The following SPHKAP variants were observed in gnomAD, a reference collection of about 807,000 sequenced individuals.
The protein encoded by SPHKAP is SPHK1 interactor, AKAP domain containing, also known as A-kinase anchor protein SPHKAP.
In SPHKAP, 67 loss-of-function variants were observed where a neutral mutation model predicts 137.5. That is an observed-to-expected ratio of 0.49 (90% confidence interval 0.40 to 0.60). The LOEUF (loss-of-function observed/expected upper bound fraction) is 0.60. SPHKAP is among the 20% of genes least tolerant of loss of function. SPHKAP has a pLI of 0.00. For synonymous variants in SPHKAP, 813 were observed against 785.3 expected, an observed-to-expected ratio of 1.04 and a Z score of -0.59; for missense variants, 2,097 against 2,069.3, an observed-to-expected ratio of 1.01 and a Z score of -0.26.
At chr2:228,056,597 A>T (rs957003634) in intron 3 of SPHKAP, among the ~76,000 whole-genome samples, 1 of 152,042 alleles carries the variant, frequency 6.6e-6, no homozygotes, top group African/African-American at 2.4e-5. Flanking sequence ...AAAAAAAAAA[A>T]ATGTATCTTT....
chr2:228,133,746 A>T lies in SPHKAP; in HGVS notation c.33-1661T>A, dbSNP rs1699340225. On this transcript the variant is annotated intron_variant, in intron 1 of 11. Coordinates refer to ENST00000392056, the MANE Select transcript of SPHKAP (RefSeq NM_001142644.2). ...TATAACTCTCATGTTTCAAGCACTAAATTCATCAATTTTCAATTAGCCATA... is the reference window on the plus strand; with the variant it reads ...TATAACTCTCATGTTTCAAGCACTATATTCATCAATTTTCAATTAGCCATA... 2.0e-5 allele frequency among the ~76,000 whole-genome samples: 3 copies of T among 152,200 alleles called. No individual in the cohort carries two copies. The South Asian group carries it at 6.2e-4, about 32-fold the overall frequency.
chr2:228,080,669 T>C (rs1290633148), intron 3 of SPHKAP, among the ~76,000 whole-genome samples: 1 of 151,678 alleles, frequency 6.6e-6, no homozygotes, highest in Non-Finnish European at 1.5e-5. Context: ...ATGACTCCAT[T>C]GCACTCCAGC....
chr2:228,088,162 T>TA (rs901231642), intron 3 of SPHKAP, among the ~76,000 whole-genome samples: 4 of 152,084 alleles, frequency 2.6e-5, no homozygotes, highest in Non-Finnish European at 4.4e-5. Flanking sequence ...ATTGTAAATA[T>TA]AAAAAATTCT....
At chr2:228,174,175 T>G (rs961240873) in intron 1 of SPHKAP, among the ~76,000 whole-genome samples, 1 of 152,226 alleles carries the variant, frequency 6.6e-6, no homozygotes, top group Non-Finnish European at 1.5e-5. Flanking sequence ...AAGCCTCTTA[T>G]AGCATCCACC....
At chr2:228,064,762 T>C (rs1318143375) in intron 3 of SPHKAP, among the ~76,000 whole-genome samples, 1 of 152,186 alleles carries the variant, frequency 6.6e-6, no homozygotes, top group East Asian at 1.9e-4. Flanking sequence ...AGAACACAAG[T>C]AGCCACAGAA....
chr2:228,024,248 C>A (rs991679661), intron 5 of SPHKAP, among the ~76,000 whole-genome samples: 1 of 151,936 alleles, frequency 6.6e-6, no homozygotes, highest in African/African-American at 2.4e-5. Flanking sequence ...ATGTCAATAC[C>A]AATTTTCATA....
chr2:228,017,188 G>A lies in SPHKAP; in HGVS notation c.3666C>T (p.Gly1222=). The change falls in exon 7 of 12, where the codon GGC becomes GGT. Residue 1222 remains glycine (G), a synonymous_variant. Coordinates refer to ENST00000392056, the MANE Select transcript of SPHKAP (RefSeq NM_001142644.2). The part of the protein sequence containing the change: ...SRRSSQDWTA[G]LLSPSLRSPV... ...GGGATCGCAGAGAAGGAGACAGCAG[G>A]CCGGCTGTCCAATCCTGGCTGCTCC... is the stretch of plus-strand genomic sequence containing the variant. The A allele has an allele frequency of 6.2e-7, 1 of 1,613,978 alleles. No homozygotes were observed. The highest frequency in any genetic ancestry group is 8.5e-7 in the Non-Finnish European group (1 of 1,179,994).
intron 3 of SPHKAP, among the ~76,000 whole-genome samples, chr2:228,036,309 A>C (rs1403640038): frequency 1.3e-5 from 2 of 152,240 alleles, no homozygotes; most frequent in African/African-American, 4.8e-5. Flanking sequence ...CCATCAGAGA[A>C]ATGCAAAGCA....
chr2:228,086,063 T>G (rs1308664382), intron 3 of SPHKAP, among the ~76,000 whole-genome samples: 4 of 151,900 alleles, frequency 2.6e-5, no homozygotes, highest in Non-Finnish European at 5.9e-5. Context: ...GCATGTAATA[T>G]GAAGTGAAAA....
intron 3 of SPHKAP, among the ~76,000 whole-genome samples, chr2:228,034,273 A>C (rs1454116688): frequency 6.6e-6 from 1 of 152,228 alleles, no homozygotes; most frequent in African/African-American, 2.4e-5. Flanking sequence ...TAAACTAGAA[A>C]ATCTAGAAGA....
intron 1 of SPHKAP, among the ~76,000 whole-genome samples, chr2:228,156,817 C>T (rs939609294): frequency 7.2e-5 from 11 of 152,260 alleles, no homozygotes; most frequent in African/African-American, 2.4e-4. Context: ...CACATGCCCT[C>T]TTTGCTTGTC....
chr2:228,039,788 A>G (rs972848590), intron 3 of SPHKAP, among the ~76,000 whole-genome samples: 2 of 152,240 alleles, frequency 1.3e-5, no homozygotes, highest in Non-Finnish European at 2.9e-5. Context: ...GACTTTTTGA[A>G]TTAAACACAT....
chr2:228,140,771 C>T (rs568438353), intron 1 of SPHKAP, among the ~76,000 whole-genome samples: 11 of 152,064 alleles, frequency 7.2e-5, no homozygotes, highest in Non-Finnish European at 7.3e-5. Flanking sequence ...ACTGACTTTT[C>T]GTGAGATCTG....
intron 1 of SPHKAP, among the ~76,000 whole-genome samples, chr2:228,174,412 T>C (rs1700678767): frequency 6.6e-6 from 1 of 150,802 alleles, no homozygotes; most frequent in South Asian, 2.1e-4. Context: ...GACTCCGGAG[T>C]GGAAATGTAC....
intron 1 of SPHKAP, among the ~76,000 whole-genome samples, chr2:228,137,242 C>T (rs1240105653): frequency 6.6e-6 from 1 of 152,196 alleles, no homozygotes; most frequent in East Asian, 1.9e-4. Flanking sequence ...GGCAGGGGAT[C>T]ACTTAGGACA....
chr2:227,992,846 C>A (rs568151452), intron 9 of SPHKAP, among the ~76,000 whole-genome samples: 1 of 152,308 alleles, frequency 6.6e-6, no homozygotes, highest in East Asian at 1.9e-4. Context: ...TTTCAGAAAT[C>A]TCCAAATCAT....
intron 3 of SPHKAP, among the ~76,000 whole-genome samples, chr2:228,035,288 C>A (rs1695542584): frequency 6.6e-6 from 1 of 150,776 alleles, no homozygotes; most frequent in African/African-American, 2.4e-5. Flanking sequence ...ACAACTGCTT[C>A]AAAGAGAATA....
chr2:228,085,347 T>C (rs1439432669), intron 3 of SPHKAP, among the ~76,000 whole-genome samples: 2 of 152,200 alleles, frequency 1.3e-5, no homozygotes, highest in African/African-American at 4.8e-5. Flanking sequence ...GATATATTCA[T>C]CCATGGATTT....
intron 1 of SPHKAP, among the ~76,000 whole-genome samples, chr2:228,163,850 C>T (rs1700345954): frequency 6.6e-6 from 1 of 152,094 alleles, no homozygotes; most frequent in African/African-American, 2.4e-5. Flanking sequence ...TCTGGTGATC[C>T]TGTAATATTA....
Sources: gnomAD v4.1 joint callset for allele counts (sites outside exome capture counted in the v4.1 genomes callset) on GRCh38, gnomAD v4.1.1 for gene constraint, MANE v1.5 for transcripts, NCBI Gene and HGNC (gene_info 2026-07-23, HGNC 2026-07-21) for gene names.